Variants in TUSC3 observed in about 807,000 individuals in gnomAD.
The protein encoded by TUSC3 is dolichyl-diphosphooligosaccharide--protein glycosyltransferase subunit TUSC3.
A neutral mutation model predicts 44.8 loss-of-function variants in TUSC3; 45 were observed. The ratio of observed to expected loss-of-function variants is 1.00; its 90% confidence interval spans 0.79 to 1.29. The LOEUF is 1.29. Ranked by LOEUF, TUSC3 falls within the 50% of genes most tolerant of loss-of-function variation. The probability of loss-of-function intolerance (pLI) is 0.00; values close to 1 mark genes in which losing one functional copy is unlikely to be tolerated. For synonymous variants in TUSC3, 212 were observed against 152.9 expected, an observed-to-expected ratio of 1.39 and a Z score of -2.85; for missense variants, 519 against 437.9, an observed-to-expected ratio of 1.19 and a Z score of -1.65.
the TUSC3 span, among the ~76,000 whole-genome samples, chr8:15,810,655 G>A: frequency 0.027 from 4,115 of 151,640 alleles, 63 homozygotes; most frequent in Middle Eastern, 0.071. Flanking sequence ...AGGAGGGGGG[G>A]CGGGAAAGAA....
intron 1 of TUSC3, among the ~76,000 whole-genome samples, chr8:15,466,454 C>A (rs145521025): frequency 6.6e-6 from 1 of 151,912 alleles, no homozygotes; most frequent in African/African-American, 2.4e-5. Context: ...AAGATGAGTG[C>A]CCAATGTAGG....
At chr8:15,803,557 T>C in the TUSC3 span, among the ~76,000 whole-genome samples, 34,524 of 152,128 alleles carry the variant, frequency 0.23, 4,244 homozygotes, top group Middle Eastern at 0.28. Context: ...TTCATTTTTA[T>C]ATTTTACCTT....
At chr8:15,633,340 G>A (rs1805907993) in intron 2 of TUSC3, among the ~76,000 whole-genome samples, 1 of 152,284 alleles carries the variant, frequency 6.6e-6, no homozygotes, top group East Asian at 1.9e-4. Flanking sequence ...GCCTCAGTGA[G>A]TTGAGGCTGA....
intron 6 of TUSC3, among the ~76,000 whole-genome samples, chr8:15,702,228 T>C (rs535418343): frequency 4.6e-5 from 7 of 152,150 alleles, no homozygotes; most frequent in Non-Finnish European, 1.0e-4. Flanking sequence ...GAAGAGACTC[T>C]AATGTTACCA....
intron 2 of TUSC3, among the ~76,000 whole-genome samples, chr8:15,519,616 G>A (rs1367254535): frequency 2.0e-5 from 3 of 152,090 alleles, no homozygotes; most frequent in African/African-American, 7.2e-5. Flanking sequence ...CTCCTTATGA[G>A]AATCTAATGC....
At chr8:15,602,407 C>T (rs552904726) in intron 1 of TUSC3, among the ~76,000 whole-genome samples, 101 of 151,338 alleles carry the variant, frequency 6.7e-4, no homozygotes, top group Non-Finnish European at 1.2e-3. Flanking sequence ...GTTTTATTTC[C>T]CCACAGTTTA....
At chr8:15,772,099 A>T in the TUSC3 span, among the ~76,000 whole-genome samples, 2 of 152,194 alleles carry the variant, frequency 1.3e-5, no homozygotes, top group East Asian at 3.9e-4. Flanking sequence ...AAAAAGAAAA[A>T]AAAGAAAAAG....
upstream of TUSC3, chr8:15,540,105 C>G (rs1282293761): frequency 1.3e-5 from 4 of 304,950 alleles, no homozygotes; most frequent in Admixed American, 5.2e-5. Context: ...GTCCCAGGGC[C>G]AAAGGACCAC....
intron 6 of TUSC3, 33 bp from the exon 7 acceptor site, chr8:15,730,633 C>A: frequency 6.2e-7 from 1 of 1,605,668 alleles, no homozygotes; most frequent in Non-Finnish European, 8.5e-7. Context: ...GAGGCTTTCT[C>A]AGACTGTAAT....
At chr8:15,719,585 T>C (rs1810217517) in intron 6 of TUSC3, among the ~76,000 whole-genome samples, 2 of 151,634 alleles carry the variant, frequency 1.3e-5, no homozygotes, top group South Asian at 4.2e-4. Flanking sequence ...TTGTTCACTA[T>C]TTTATCTCAC....
At chr8:15,472,733 T>C (rs1800510592) in intron 1 of TUSC3, among the ~76,000 whole-genome samples, 1 of 152,206 alleles carries the variant, frequency 6.6e-6, no homozygotes, top group Non-Finnish European at 1.5e-5. Context: ...TTTTATTTCA[T>C]ATGGTGCCGA....
chr8:15,692,179 A>T (rs180797639), intron 6 of TUSC3, among the ~76,000 whole-genome samples: 1 of 152,112 alleles, frequency 6.6e-6, no homozygotes, highest in South Asian at 2.1e-4. Context: ...AGACTACTTG[A>T]TCATGGTGGA....
intron 9 of TUSC3, among the ~76,000 whole-genome samples, chr8:15,754,015 A>G (rs752344830): frequency 9.2e-5 from 14 of 152,212 alleles, no homozygotes; most frequent in Non-Finnish European, 1.8e-4. Context: ...TGTGGTGAAC[A>G]TAGCACCACG....
chr8:15,422,330 A>G (rs1350260168), intron 1 of TUSC3, among the ~76,000 whole-genome samples: 2 of 152,152 alleles, frequency 1.3e-5, no homozygotes, highest in Non-Finnish European at 2.9e-5. Flanking sequence ...CTGTTGTTTA[A>G]CCTAATACCA....
At chr8:15,692,471 G>T (rs1808960488) in intron 6 of TUSC3, among the ~76,000 whole-genome samples, 1 of 144,272 alleles carries the variant, frequency 6.9e-6, no homozygotes, top group Non-Finnish European at 1.5e-5. Flanking sequence ...GAATCCAGCT[G>T]GTCCTGGGCT....
intron 9 of TUSC3, among the ~76,000 whole-genome samples, chr8:15,756,168 T>C (rs1271170238): frequency 6.6e-6 from 1 of 152,184 alleles, no homozygotes; most frequent in African/African-American, 2.4e-5. Flanking sequence ...GCTCTGCATT[T>C]AGACAAATCC....
At chr8:15,720,642 A>C (rs987509097) in intron 6 of TUSC3, among the ~76,000 whole-genome samples, 7 of 152,118 alleles carry the variant, frequency 4.6e-5, no homozygotes, top group African/African-American at 1.7e-4. Flanking sequence ...ATACAGAGCA[A>C]ATGGATGACA....
intron 9 of TUSC3, among the ~76,000 whole-genome samples, chr8:15,757,453 A>G (rs1182167660): frequency 1.3e-5 from 2 of 152,170 alleles, no homozygotes; most frequent in Non-Finnish European, 2.9e-5. Context: ...TTTTGCATTG[A>G]TTTGTACATC....
the TUSC3 span, among the ~76,000 whole-genome samples, chr8:15,842,685 C>G: frequency 9.9e-4 from 150 of 152,242 alleles, no homozygotes; most frequent in East Asian, 0.019. Flanking sequence ...TTCCTGCTTC[C>G]TAAGAAAAAC....
Sources: gnomAD v4.1 joint callset for allele counts (sites outside exome capture counted in the v4.1 genomes callset) on GRCh38, gnomAD v4.1.1 for gene constraint, MANE v1.5 for transcripts, NCBI Gene and HGNC (gene_info 2026-07-23, HGNC 2026-07-21) for gene names.